The following OPCML variants were observed in gnomAD, a reference collection of about 807,000 sequenced individuals.
The protein encoded by OPCML is opioid binding protein/cell adhesion molecule like.
Under a neutral mutation model 37.8 loss-of-function variants are expected in OPCML, and 13 were observed. That is an observed-to-expected ratio of 0.34 (90% CI 0.22 to 0.55). OPCML has a LOEUF of 0.55. Among genes scored for constraint, OPCML ranks in the 20% least tolerant of loss-of-function variants. The pLI is 0.91. For missense variants in OPCML, 341 were observed against 435.6 expected (o/e 0.78, Z 1.93); for synonymous variants, 176 against 168.8 (o/e 1.04, Z -0.33).
chr11:132,845,520 G>C lies in OPCML; in HGVS notation c.146+97406C>G, dbSNP rs1591692022. 2.6e-5 allele frequency among the ~76,000 whole-genome samples: 4 copies of C among 152,296 alleles called. No individual in the cohort carries two copies. In the South Asian group the frequency reaches 8.3e-4, roughly 32 times the overall value. Reference sequence around the variant, plus strand: ...CACTACACTGACAGTTTTCCTCCCAGTAGCTATGGGGAGGGATTAGCTGGC... The same window carrying C: ...CACTACACTGACAGTTTTCCTCCCACTAGCTATGGGGAGGGATTAGCTGGC... On this transcript the variant is annotated intron_variant, in intron 2 of 7. Transcript: ENST00000524381.
At chr11:133,492,816 T>A (rs1295467154) in intron 1 of OPCML, among the ~76,000 whole-genome samples, 2 of 152,116 alleles carry the variant, frequency 1.3e-5, no homozygotes, top group Non-Finnish European at 2.9e-5. Flanking sequence ...TGAGGGAATG[T>A]CCTAACTGCG....
chr11:132,659,254 C>T (rs1334023888), intron 2 of OPCML, among the ~76,000 whole-genome samples: 1 of 152,142 alleles, frequency 6.6e-6, no homozygotes, highest in Non-Finnish European at 1.5e-5. Flanking sequence ...AATGGATCCT[C>T]CCTGCTCCCC....
At chr11:132,482,493 A>G (rs1409522295) in intron 4 of OPCML, among the ~76,000 whole-genome samples, 2 of 152,342 alleles carry the variant, frequency 1.3e-5, no homozygotes, top group Admixed American at 1.3e-4. Context: ...CCAGAGATAC[A>G]AGGAGGAACT....
chr11:133,160,891 G>T (rs1330260638), intron 1 of OPCML, among the ~76,000 whole-genome samples: 1 of 152,190 alleles, frequency 6.6e-6, no homozygotes, highest in Admixed American at 6.5e-5. Context: ...GCATATGGAG[G>T]GCCGGAGCAC....
intron 1 of OPCML, among the ~76,000 whole-genome samples, chr11:133,489,835 CATAT>C (rs34169016): frequency 7.4e-6 from 1 of 135,140 alleles, no homozygotes; most frequent in Non-Finnish European, 1.5e-5. Context: ...TGTGTATATA[CATAT>C]ATATATATAT....
chr11:133,308,860 G>A (rs141057274), intron 1 of OPCML, among the ~76,000 whole-genome samples: 28 of 152,302 alleles, frequency 1.8e-4, no homozygotes, highest in Non-Finnish European at 3.1e-4. Flanking sequence ...AAACACCAAA[G>A]AGCCAACTTC....
chr11:132,903,885 G>T (rs1039893647), intron 2 of OPCML, among the ~76,000 whole-genome samples: 1 of 152,168 alleles, frequency 6.6e-6, no homozygotes, highest in Admixed American at 6.6e-5. Context: ...CATTGGTAAT[G>T]GTTGACGAAA....
At chr11:133,429,962 G>A (rs1946083767) in intron 1 of OPCML, among the ~76,000 whole-genome samples, 1 of 152,176 alleles carries the variant, frequency 6.6e-6, no homozygotes, top group Non-Finnish European at 1.5e-5. Flanking sequence ...AGTGAGTCTG[G>A]ATGGAAGCGG....
chr11:133,142,947 C>T (rs534531388), intron 1 of OPCML, among the ~76,000 whole-genome samples: 10 of 152,256 alleles, frequency 6.6e-5, no homozygotes, highest in African/African-American at 2.2e-4. Context: ...TGTAATTGTG[C>T]AACCCAGGCA....
At chr11:132,848,627 A>G (rs1271359138) in intron 2 of OPCML, among the ~76,000 whole-genome samples, 1 of 152,246 alleles carries the variant, frequency 6.6e-6, no homozygotes, top group Non-Finnish European at 1.5e-5. Flanking sequence ...CCAAATTCGT[A>G]TGCAGTTTTG....
intron 3 of OPCML, among the ~76,000 whole-genome samples, chr11:132,627,497 G>T (rs573851069): frequency 2.0e-5 from 3 of 152,336 alleles, no homozygotes; most frequent in South Asian, 4.1e-4. Flanking sequence ...TTTACACTAT[G>T]GTGGTGGAGA....
At chr11:133,054,395 C>G (rs1263839374) in intron 1 of OPCML, among the ~76,000 whole-genome samples, 1 of 152,222 alleles carries the variant, frequency 6.6e-6, no homozygotes, top group Non-Finnish European at 1.5e-5. Context: ...TCCCTTGTCA[C>G]TGTACCCCAG....
chr11:132,716,518 G>A (rs2135965808), intron 2 of OPCML, among the ~76,000 whole-genome samples: 1 of 152,006 alleles, frequency 6.6e-6, no homozygotes, highest in East Asian at 1.9e-4. Flanking sequence ...AAAACCCCTG[G>A]AAAAATGAAC....
intron 4 of OPCML, among the ~76,000 whole-genome samples, chr11:132,490,543 C>A (rs558215149): frequency 3.5e-5 from 5 of 144,244 alleles, no homozygotes; most frequent in East Asian, 2.2e-4. Flanking sequence ...TCCGGCCTGA[C>A]CTTTGCTTTG....
chr11:133,008,423 T>G, intron 1 of OPCML: 2 of 985,338 alleles, frequency 2.0e-6, no homozygotes, highest in South Asian at 9.4e-5. Context: ...CCTTTTCTGA[T>G]TTTTTTCTTT....
At position 132,783,867 on chromosome 11, in the gene OPCML, T is replaced by C. The variant is rs1270922263; in HGVS notation, c.147-126548A>G. ...AATCAATTTGGTCTGAAATACCTAT[T>C]TAGCAACTACTTTGGGAATATATTT... On this transcript the variant is annotated intron_variant, in intron 2 of 7. Coordinates refer to ENST00000524381, the MANE Select transcript of OPCML (RefSeq NM_001012393.5). Among the ~76,000 whole-genome samples, 3 of 152,196 alleles carry C rather than the reference T, an allele frequency of 2.0e-5. No individual in the cohort carries two copies. In the East Asian group the frequency reaches 5.8e-4, roughly 29 times the overall value.
At chr11:132,891,196 A>G (rs761828797) in intron 2 of OPCML, among the ~76,000 whole-genome samples, 3 of 152,250 alleles carry the variant, frequency 2.0e-5, no homozygotes, top group Non-Finnish European at 4.4e-5. Flanking sequence ...TAAGTTTCCC[A>G]AAAGTGTCTG....
intron 1 of OPCML, among the ~76,000 whole-genome samples, chr11:133,456,230 C>T (rs1366433333): frequency 6.6e-6 from 1 of 152,170 alleles, no homozygotes; most frequent in African/African-American, 2.4e-5. Context: ...GTGAGACTCT[C>T]TGGCAAATTA....
intron 2 of OPCML, among the ~76,000 whole-genome samples, chr11:132,916,127 AT>A (rs1944594109): frequency 6.6e-6 from 1 of 152,100 alleles, no homozygotes; most frequent in African/African-American, 2.4e-5. Flanking sequence ...TCCATCTGCT[AT>A]TACTTTTTGA....
Sources: gnomAD v4.1 joint callset for allele counts (sites outside exome capture counted in the v4.1 genomes callset) on GRCh38, gnomAD v4.1.1 for gene constraint, MANE v1.5 for transcripts, NCBI Gene and HGNC (gene_info 2026-07-23, HGNC 2026-07-21) for gene names.